CCDC170: variants seen among roughly 807,000 people sequenced by gnomAD.
The protein encoded by CCDC170 is coiled-coil domain containing 170, also known as coiled-coil domain-containing protein 170.
CCDC170 carries 69 observed loss-of-function variants against 72.6 expected under a neutral mutation model. The ratio of observed to expected loss-of-function variants is 0.95; its 90% CI spans 0.78 to 1.16. The LOEUF is 1.16. Ranked by LOEUF, CCDC170 falls within the 50% of genes most tolerant of loss-of-function variation. The pLI is 0.00. For synonymous variants in CCDC170, 300 were observed against 303.9 expected (o/e 0.99, Z 0.13); for missense variants, 852 against 832.5 (o/e 1.02, Z -0.29).
Position 151,516,020 on chromosome 6 carries a change from C to T in CCDC170, c.58-20298C>T, listed in dbSNP as rs113363358. 3.4e-3 allele frequency among the ~76,000 whole-genome samples: 509 copies of T among 150,932 alleles called. 1 individual carries two copies. The highest frequency in any genetic ancestry group is 0.012 in the African/African-American group (487 of 41,016). On this transcript the variant is annotated intron_variant, in intron 1 of 10. Transcript: ENST00000239374. ...GGCAGAGGTTGCAGTGAGCTGAGAT[C>T]GCGCCACTGCACTCCAGCCTGGTGA...
rs760559609 is a variant in CCDC170, at chr6:151,573,236, A to G, written c.837A>G (p.Glu279=). ...AAAGGGAAGTTAAGATCTTCCAAGA[A>G]AGGCTGCTTGCTGGCCAGCAGGTCT... ...ALEREVKIFQ[E]RLLAGQQVWD... The change falls in exon 6 of 11, where the codon GAA becomes GAG. Residue 279 remains glutamate (E), a synonymous_variant. Coordinates refer to ENST00000239374, the MANE Select transcript of CCDC170 (RefSeq NM_025059.4). The G allele has an allele frequency of 9.4e-5, 151 of 1,614,000 alleles. No homozygotes were observed. The highest frequency in any genetic ancestry group is 1.2e-4 in the Non-Finnish European group (145 of 1,180,006).
chr6:151,608,112 A>C (rs1272535639), intron 9 of CCDC170, among the ~76,000 whole-genome samples: 2 of 152,122 alleles, frequency 1.3e-5, no homozygotes, highest in Non-Finnish European at 2.9e-5. Flanking sequence ...CTATTGTTGA[A>C]GCTCTCAATA....
intron 5 of CCDC170, among the ~76,000 whole-genome samples, chr6:151,558,034 G>A (rs1783012924): frequency 6.7e-6 from 1 of 148,960 alleles, no homozygotes; most frequent in Non-Finnish European, 1.5e-5. Flanking sequence ...TGGGAGGTGA[G>A]GTTGCACTGA....
At chr6:151,522,041 TC>T (rs776470248) in intron 1 of CCDC170, among the ~76,000 whole-genome samples, 1 of 149,438 alleles carries the variant, frequency 6.7e-6, no homozygotes, top group East Asian at 2.0e-4. Context: ...GTGCCTGTCA[TC>T]CCAGCTACTC....
rs1777026825 is a variant in CCDC170 at position 151,619,554 on chromosome 6, G to A, written c.*1407G>A. 6.6e-6 allele frequency: 1 copy of A among 152,142 alleles called. No individual in the cohort carries two copies. The highest frequency in any genetic ancestry group is 2.4e-5 in the African/African-American group (1 of 41,426). 9.4% of individuals were successfully genotyped at this position (152,142 alleles called of 1,614,324 possible). On this transcript the variant is annotated 3_prime_UTR_variant, in exon 11 of 11. Transcript: ENST00000239374. ...GGAAAGGGAAAGAAATAGATCTGGTGCACCCGAACATTAGGAGAAAATGAA... is the reference window on the plus strand; with the variant it reads ...GGAAAGGGAAAGAAATAGATCTGGTACACCCGAACATTAGGAGAAAATGAA...
chr6:151,514,172 G>T (rs117595301), intron 1 of CCDC170, among the ~76,000 whole-genome samples: 11,290 of 151,246 alleles, frequency 0.075, 526 homozygotes, highest in East Asian at 0.18. Context: ...GTGGTGGCAC[G>T]TGCTTGTAGT....
chr6:151,596,596 TTTG>T lies in CCDC170; in HGVS notation c.1710+26_1710+28del. On this transcript the variant is annotated intron_variant, in intron 9 of 10. Transcript: ENST00000239374. Reference sequence around the variant, plus strand: ...ACTGAAGGCAAGTGCTTGGCTTCATTTTGTTGTTGCTTTTTGCTGGTTACTGTC... The same window carrying T: ...ACTGAAGGCAAGTGCTTGGCTTCATTTTGTTGCTTTTTGCTGGTTACTGTC... The T allele has an allele frequency of 6.2e-7, 1 of 1,611,100 alleles. No homozygotes were observed. The highest frequency in any genetic ancestry group is 8.5e-7 in the Non-Finnish European group (1 of 1,177,784).
chr6:151,496,904 GTGTC>G (rs1781919643), intron 1 of CCDC170, among the ~76,000 whole-genome samples: 1 of 152,230 alleles, frequency 6.6e-6, no homozygotes, highest in Non-Finnish European at 1.5e-5. Flanking sequence ...ACTCAAGAGA[GTGTC>G]TGACAGAATA....
chr6:151,533,555 T>G (rs937106732), intron 1 of CCDC170, among the ~76,000 whole-genome samples: 21 of 151,528 alleles, frequency 1.4e-4, no homozygotes, highest in Non-Finnish European at 2.8e-4. Flanking sequence ...TAATCCCAGC[T>G]ATTCGGGAGG....
At chr6:151,513,060 G>T (rs1409064516) in intron 1 of CCDC170, among the ~76,000 whole-genome samples, 1 of 152,076 alleles carries the variant, frequency 6.6e-6, no homozygotes, top group Non-Finnish European at 1.5e-5. Flanking sequence ...CTCATCCTAA[G>T]GAAACAGTCA....
intron 1 of CCDC170, among the ~76,000 whole-genome samples, chr6:151,525,301 C>A (rs963659707): frequency 3.3e-5 from 5 of 152,118 alleles, no homozygotes; most frequent in African/African-American, 9.7e-5. Context: ...CCTCTGAGCC[C>A]AAGCTAAGCC....
In CCDC170 at chr6:151,580,159, T is replaced by G. The variant is rs188890787; in HGVS notation, c.1093-5730T>G. Among the ~76,000 whole-genome samples, 47 of 152,302 alleles carry G rather than the reference T, an allele frequency of 3.1e-4. No individual in the cohort carries two copies. In the East Asian group the frequency reaches 8.3e-3, roughly 27 times the overall value. ...TGCTTTTTTCCAGTAAATTCGGTGG[T>G]GTGCTGACTATGGCTAACTGATCAC... is the stretch of plus-strand genomic sequence containing the variant. On this transcript the variant is annotated intron_variant, in intron 6 of 10. Coordinates refer to ENST00000239374, the MANE Select transcript of CCDC170 (RefSeq NM_025059.4).
intron 3 of CCDC170, among the ~76,000 whole-genome samples, chr6:151,543,441 T>C (rs1409713679): frequency 6.6e-6 from 1 of 152,146 alleles, no homozygotes; most frequent in African/African-American, 2.4e-5. Context: ...AATATTTATC[T>C]TTTTTTGTGT....
intron 1 of CCDC170, among the ~76,000 whole-genome samples, chr6:151,523,831 G>T (rs1422429433): frequency 1.3e-5 from 2 of 152,164 alleles, no homozygotes; most frequent in Non-Finnish European, 2.9e-5. Context: ...CACAACAAAA[G>T]CATTGCAAAC....
rs990827950 is a variant in CCDC170 at position 151,494,071 on chromosome 6, G to C, written c.-58G>C. On this transcript the variant is annotated 5_prime_UTR_variant, in exon 1 of 11. Coordinates refer to ENST00000239374, the MANE Select transcript of CCDC170 (RefSeq NM_025059.4). ...CCCGCGCCACCCGCCGGCTCCCGGCGCCGCCGCTTCCTCAGGGCCGGTTCC... is the reference window on the plus strand; with the variant it reads ...CCCGCGCCACCCGCCGGCTCCCGGCCCCGCCGCTTCCTCAGGGCCGGTTCC... 9 of 1,432,006 alleles carry C rather than the reference G, an allele frequency of 6.3e-6. No homozygotes were observed. The African/African-American group carries it at 1.2e-4, about 19-fold the overall frequency. 88.7% of individuals were successfully genotyped at this position (1,432,006 alleles called of 1,614,324 possible). A position where few individuals can be genotyped will look rare whatever the true frequency, so the allele number is the denominator to read the frequency against.
Position 151,618,250 on chromosome 6 carries a change from A to C in CCDC170, c.*103A>C. 9.6e-7 allele frequency: 1 copy of C among 1,036,392 alleles called. No individual in the cohort carries two copies. Among genetic ancestry groups the C allele is most frequent in the Non-Finnish European group, 1.4e-6 (1 of 700,208 alleles). The allele number at this position is 1,036,392 out of a possible 1,614,324, so 64.2% of individuals were successfully genotyped here. On this transcript the variant is annotated 3_prime_UTR_variant, in exon 11 of 11. Coordinates refer to ENST00000239374, the MANE Select transcript of CCDC170 (RefSeq NM_025059.4). ...GATTTGATCAGTTTGTGAATATTTT[A>C]TGCTTTGATGATATAGTGAGAATGC...
At chr6:151,575,502 G>A (rs1437587936) in intron 6 of CCDC170, among the ~76,000 whole-genome samples, 1 of 143,068 alleles carries the variant, frequency 7.0e-6, no homozygotes, top group Non-Finnish European at 1.5e-5. Flanking sequence ...CTTTAGCCAA[G>A]CACATTTTCT....
chr6:151,540,491 T>C (rs957040116), intron 3 of CCDC170, among the ~76,000 whole-genome samples: 1 of 147,664 alleles, frequency 6.8e-6, no homozygotes, highest in Non-Finnish European at 1.5e-5. Flanking sequence ...GTTCAAGCAA[T>C]TCTTGTGACT....
chr6:151,563,590 T>C (rs901326249), intron 5 of CCDC170, among the ~76,000 whole-genome samples: 2 of 152,160 alleles, frequency 1.3e-5, no homozygotes, highest in African/African-American at 4.8e-5. Context: ...TGGGCAGGGC[T>C]GTTTCCCACT....
Sources: allele counts gnomAD v4.1 joint callset (sites outside exome capture counted in the v4.1 genomes callset), GRCh38; gene constraint gnomAD v4.1.1; transcripts MANE v1.5; gene names NCBI Gene and HGNC (gene_info 2026-07-23, HGNC 2026-07-21).